The following FAM156A variants were observed in gnomAD, a reference collection of about 807,000 sequenced individuals.
The protein encoded by FAM156A is protein FAM156A/FAM156B.
chrX:52,990,811 G>GAAAAGAAAAGA (rs1930694083), intron 1 of FAM156A, among the ~76,000 whole-genome samples: 4 of 80,683 alleles, frequency 5.0e-5, no homozygotes, highest in African/African-American at 1.8e-4. Context: ...GAAAAGAAAA[G>GAAAAGAAAAGA]AAAAGAAAAG....
chrX:52,980,351 G>A (rs1375100591), intron 1 of FAM156A, among the ~76,000 whole-genome samples: 1 of 111,881 alleles, frequency 8.9e-6, no homozygotes, highest in South Asian at 3.7e-4. Flanking sequence ...GTTAGTTGAT[G>A]GGGAAAATCA....
chrX:52,991,026 TGTTAG>T (rs1930728631), intron 1 of FAM156A, among the ~76,000 whole-genome samples: 1 of 110,840 alleles, frequency 9.0e-6, no homozygotes. Context: ...GCATGATTCA[TGTTAG>T]GTGGTCAGCC....
intron 1 of FAM156A, among the ~76,000 whole-genome samples, chrX:52,982,613 A>C (rs1423055351): frequency 2.7e-5 from 3 of 111,920 alleles, no homozygotes; most frequent in African/African-American, 9.7e-5. Context: ...TCTCTTAAAA[A>C]AAAAAGACCT....
intron 1 of FAM156A, among the ~76,000 whole-genome samples, chrX:52,984,142 C>CA (rs1175676063): frequency 1.3e-4 from 14 of 104,908 alleles, no homozygotes; most frequent in African/African-American, 2.4e-4. Flanking sequence ...AATATCAGCA[C>CA]AAAAAAAAAA....
chrX:52,974,613 G>A (rs782060911), intron 1 of FAM156A, among the ~76,000 whole-genome samples: 2 of 111,439 alleles, frequency 1.8e-5, no homozygotes, highest in East Asian at 2.8e-4. Flanking sequence ...AAGCCAAGAC[G>A]ATGATGGACT....
intron 1 of FAM156A, among the ~76,000 whole-genome samples, chrX:52,981,887 A>G (rs1183723287): frequency 9.1e-6 from 1 of 110,134 alleles, no homozygotes; most frequent in Non-Finnish European, 1.9e-5. Flanking sequence ...AGAGATCACT[A>G]ATGTCCCCTC....
intron 1 of FAM156A, among the ~76,000 whole-genome samples, chrX:52,987,977 G>A (rs1472078021): frequency 5.4e-5 from 6 of 112,018 alleles, no homozygotes; most frequent in South Asian, 3.7e-4. Flanking sequence ...GGGGTCGAGC[G>A]CAGTGGCTCA....
chrX:52,990,797 G>GAAAGAAAAAAGA (rs1556795331), intron 1 of FAM156A, among the ~76,000 whole-genome samples: 1 of 69,599 alleles, frequency 1.4e-5, no homozygotes, highest in Non-Finnish European at 2.6e-5. Context: ...GAAAAGAAAA[G>GAAAGAAAAAAGA]AAAGAAAAGA....
chrX:52,989,605 C>T (rs1556795092), intron 1 of FAM156A, among the ~76,000 whole-genome samples: 1 of 112,553 alleles, frequency 8.9e-6, no homozygotes, highest in Admixed American at 9.3e-5. Flanking sequence ...CACAGCTGTG[C>T]ACCCCCTCAA....
intron 1 of FAM156A, among the ~76,000 whole-genome samples, chrX:52,976,064 C>G (rs1556792115): frequency 1.8e-5 from 2 of 111,333 alleles, no homozygotes; most frequent in Admixed American, 9.6e-5. Flanking sequence ...GGGTCACTGA[C>G]TGGTTTGCCT....
intron 1 of FAM156A, among the ~76,000 whole-genome samples, chrX:52,978,758 C>A (rs781899843): frequency 8.9e-6 from 1 of 112,098 alleles, no homozygotes; most frequent in African/African-American, 3.2e-5. Context: ...CCATAACAGG[C>A]AGCACGTCAG....
intron 1 of FAM156A, among the ~76,000 whole-genome samples, chrX:52,992,242 A>G (rs782606639): frequency 3.5e-4 from 39 of 111,168 alleles, no homozygotes; most frequent in East Asian, 8.5e-4. Flanking sequence ...CAAAGCCCAC[A>G]TGTCCTGGGC....
chrX:52,979,501 C>T (rs782144964), intron 1 of FAM156A, among the ~76,000 whole-genome samples: 4 of 111,083 alleles, frequency 3.6e-5, no homozygotes, highest in South Asian at 3.8e-4. Flanking sequence ...CTAAGGAGTT[C>T]GTCTCCCCTC....
At chrX:52,979,742 C>T (rs782678911) in intron 1 of FAM156A, among the ~76,000 whole-genome samples, 1 of 111,803 alleles carries the variant, frequency 8.9e-6, no homozygotes, top group African/African-American at 3.3e-5. Context: ...ACCACACACC[C>T]CAGCTGGCAC....
At chrX:52,973,812 G>A (rs1334356852) in intron 1 of FAM156A, among the ~76,000 whole-genome samples, 1 of 110,648 alleles carries the variant, frequency 9.0e-6, no homozygotes, top group Non-Finnish European at 1.9e-5. Context: ...ACAGGTGCAC[G>A]CCGCCACGCC....
chrX:52,979,302 TC>T (rs1929697380), intron 1 of FAM156A, among the ~76,000 whole-genome samples: 1 of 110,731 alleles, frequency 9.0e-6, no homozygotes, highest in Admixed American at 9.6e-5. Context: ...ACCTTTTAGA[TC>T]CCAAAATGGT....
intron 1 of FAM156A, among the ~76,000 whole-genome samples, chrX:52,974,601 G>A (rs1286036728): frequency 2.7e-5 from 3 of 111,532 alleles, no homozygotes; most frequent in Non-Finnish European, 5.6e-5. Context: ...CAGACAGCCA[G>A]CAAGCCAAGA....
At chrX:52,978,077 G>C (rs782005767) in intron 1 of FAM156A, among the ~76,000 whole-genome samples, 1 of 111,954 alleles carries the variant, frequency 8.9e-6, no homozygotes, top group East Asian at 2.8e-4. Flanking sequence ...ATTTCCTAGA[G>C]AAATTTCCAT....
At chrX:52,987,106 T>C (rs1163917239) in intron 1 of FAM156A, among the ~76,000 whole-genome samples, 1 of 111,835 alleles carries the variant, frequency 8.9e-6, no homozygotes, top group Non-Finnish European at 1.9e-5. Flanking sequence ...CCATTTACAA[T>C]AGCTGCCCCT....
Sources: allele counts gnomAD v4.1 joint callset (sites outside exome capture counted in the v4.1 genomes callset), GRCh38; gene constraint gnomAD v4.1.1; transcripts MANE v1.5; gene names NCBI Gene and HGNC (gene_info 2026-07-23, HGNC 2026-07-21).